Variants in SOX6 observed in about 807,000 individuals in gnomAD.
The protein encoded by SOX6 is transcription factor SOX-6.
In SOX6, 11 loss-of-function variants were observed where a neutral mutation model predicts 97.8. That is an observed-to-expected ratio of 0.11 (90% CI 0.07 to 0.19). The LOEUF (loss-of-function observed/expected upper bound fraction) is 0.19. Ranked by LOEUF, SOX6 falls within the 10% of genes least tolerant of loss-of-function variation. The probability of loss-of-function intolerance (pLI) is 1.00; values close to 1 mark genes in which losing one functional copy is unlikely to be tolerated. For missense variants in SOX6, 810 were observed against 1,039.5 expected (o/e 0.78, Z 3.04); for synonymous variants, 360 against 371.4 (o/e 0.97, Z 0.35).
rs182839656 is a variant in SOX6, at chr11:16,649,452, T to C, written n.430-37192A>G. On this transcript the variant is annotated intron_variant and non_coding_transcript_variant, in intron 3 of 5. Coordinates refer to the SOX6 transcript ENST00000524520. ...AGAAACCTTACAAAGCCAGAAAGAATTGAGGTCCCACATTTAGCCTCCTGA... is the reference window on the plus strand; with the variant it reads ...AGAAACCTTACAAAGCCAGAAAGAACTGAGGTCCCACATTTAGCCTCCTGA... Among the ~76,000 whole-genome samples the C allele has an allele frequency of 9.8e-4, 149 of 152,270 alleles. 1 individual carries two copies. Among genetic ancestry groups the C allele is most frequent in the African/African-American group, 3.4e-3 (141 of 41,562 alleles).
At chr11:16,205,413 A>G (rs1218370500) in intron 4 of SOX6, among the ~76,000 whole-genome samples, 1 of 152,146 alleles carries the variant, frequency 6.6e-6, no homozygotes, top group African/African-American at 2.4e-5. Context: ...TGAAAACTTG[A>G]GTGCTCAAGG....
At chr11:16,628,117 T>C (rs1478989534) in intron 3 of SOX6, among the ~76,000 whole-genome samples, 1 of 152,198 alleles carries the variant, frequency 6.6e-6, no homozygotes, top group African/African-American at 2.4e-5. Flanking sequence ...TATGTGGCTT[T>C]ATTTCTGAGT....
intron 1 of SOX6, among the ~76,000 whole-genome samples, chr11:16,459,358 A>G (rs1381259151): frequency 6.6e-6 from 1 of 152,048 alleles, no homozygotes; most frequent in Non-Finnish European, 1.5e-5. Flanking sequence ...AAAGTTCAAA[A>G]ATATTTATAG....
chr11:16,262,833 A>G (rs762874721), intron 3 of SOX6, among the ~76,000 whole-genome samples: 13 of 152,036 alleles, frequency 8.6e-5, no homozygotes, highest in Non-Finnish European at 1.8e-4. Flanking sequence ...GTCTTTCCTG[A>G]GTTTGATGTA....
At chr11:16,560,418 C>G (rs554044950) in intron 4 of SOX6, among the ~76,000 whole-genome samples, 1 of 121,896 alleles carries the variant, frequency 8.2e-6, no homozygotes, top group Non-Finnish European at 1.9e-5. Flanking sequence ...TACATATATA[C>G]GTACATATGT....
chr11:16,068,984 C>T (rs1384739778), intron 9 of SOX6, among the ~76,000 whole-genome samples: 1 of 152,138 alleles, frequency 6.6e-6, no homozygotes, highest in Non-Finnish European at 1.5e-5. Flanking sequence ...TTAATGCTGA[C>T]CATTAAAACC....
chr11:16,153,485 G>A (rs1352147228), intron 6 of SOX6, among the ~76,000 whole-genome samples: 1 of 152,096 alleles, frequency 6.6e-6, no homozygotes. Flanking sequence ...ACCTCTGATA[G>A]GACTGGTTAG....
chr11:16,644,875 T>G (rs1196904059), intron 3 of SOX6, among the ~76,000 whole-genome samples: 1 of 152,172 alleles, frequency 6.6e-6, no homozygotes, highest in Non-Finnish European at 1.5e-5. Context: ...TTGGCAAAAT[T>G]TTGTCACATT....
chr11:16,250,811 A>T (rs1196986970), intron 3 of SOX6, among the ~76,000 whole-genome samples: 1 of 152,084 alleles, frequency 6.6e-6, no homozygotes, highest in Non-Finnish European at 1.5e-5. Context: ...AATAAGATTA[A>T]CTTACATTAA....
At chr11:16,472,601 T>C (rs1217583647) in intron 1 of SOX6, among the ~76,000 whole-genome samples, 3 of 152,122 alleles carry the variant, frequency 2.0e-5, no homozygotes, top group Non-Finnish European at 4.4e-5. Context: ...TAGAGTTTCA[T>C]AAAATAACAA....
chr11:16,043,644 C>A (rs1009979490), intron 12 of SOX6, among the ~76,000 whole-genome samples: 1 of 152,250 alleles, frequency 6.6e-6, no homozygotes, highest in East Asian at 1.9e-4. Context: ...TGTTGGCCCA[C>A]ATTTATGATA....
chr11:16,239,718 C>T (rs1853127393), intron 3 of SOX6, among the ~76,000 whole-genome samples: 1 of 152,010 alleles, frequency 6.6e-6, no homozygotes, highest in Admixed American at 6.6e-5. Flanking sequence ...GATGCTCTGC[C>T]AGGAGGAGCT....
intron 3 of SOX6, among the ~76,000 whole-genome samples, chr11:16,257,386 C>A (rs1024176182): frequency 6.6e-6 from 1 of 151,738 alleles, no homozygotes; most frequent in Middle Eastern, 3.2e-3. Flanking sequence ...CAGAACAGAG[C>A]GCTCATAAAC....
intron 6 of SOX6, among the ~76,000 whole-genome samples, chr11:16,117,523 C>T (rs76098945): frequency 0.016 from 2,360 of 152,244 alleles, 61 homozygotes; most frequent in African/African-American, 0.054. Flanking sequence ...CCTCTCATAG[C>T]TTTCCATGTA....
At chr11:16,503,267 AC>A (rs1366215193) in intron 4 of SOX6, among the ~76,000 whole-genome samples, 7 of 151,626 alleles carry the variant, frequency 4.6e-5, no homozygotes, top group Non-Finnish European at 1.0e-4. Context: ...AAAAAAAAAA[AC>A]ATGAAAGTAT....
chr11:16,682,767 G>A (rs902379975), intron 3 of SOX6, among the ~76,000 whole-genome samples: 5 of 152,136 alleles, frequency 3.3e-5, no homozygotes, highest in African/African-American at 1.2e-4. Flanking sequence ...GAAATAAAGG[G>A]TATTCAATTA....
At chr11:16,381,008 T>TA (rs11378206) in intron 1 of SOX6, among the ~76,000 whole-genome samples, 102,554 of 151,630 alleles carry the variant, frequency 0.68, 34,845 homozygotes, top group Non-Finnish European at 0.7. Context: ...AAACTTACAG[T>TA]AAAAAAATAG....
rs1271994408 is a variant in SOX6 at position 16,613,781 on chromosome 11, G to A, written n.430-1521C>T. On this transcript the variant is annotated intron_variant and non_coding_transcript_variant, in intron 3 of 5. Coordinates refer to the SOX6 transcript ENST00000524520. This position sits in a 1 kb window ranked among gnomAD's most constrained non-coding sequence, Gnocchi z 4.6. ...TCCGTGGATGAACTGCGAGGATGCC[G>A]GCGGTCAGGCTTGGCCGAGCTTTGT... is the stretch of plus-strand genomic sequence containing the variant. Among the ~76,000 whole-genome samples the A allele has an allele frequency of 1.3e-5, 2 of 152,226 alleles. No individual in the cohort carries two copies. The highest frequency in any genetic ancestry group is 2.4e-5 in the African/African-American group (1 of 41,460).
At chr11:16,145,910 A>C (rs1850280817) in intron 6 of SOX6, among the ~76,000 whole-genome samples, 1 of 152,222 alleles carries the variant, frequency 6.6e-6, no homozygotes, top group East Asian at 1.9e-4. Context: ...CAATATCGTG[A>C]AAATGGCCAT....
Sources: allele counts gnomAD v4.1 joint callset (sites outside exome capture counted in the v4.1 genomes callset), GRCh38; gene constraint gnomAD v4.1.1; non-coding constraint Gnocchi (gnomAD v3.1); transcripts MANE v1.5; gene names NCBI Gene and HGNC (gene_info 2026-07-23, HGNC 2026-07-21).